Variants in ADAM23 observed in about 807,000 individuals in gnomAD.
The protein encoded by ADAM23 is disintegrin and metalloproteinase domain-containing protein 23.
Under a neutral mutation model 120.1 loss-of-function variants are expected in ADAM23, and 33 were observed. The ratio of observed to expected loss-of-function variants is 0.27; its 90% CI spans 0.21 to 0.37. ADAM23 has a LOEUF of 0.37. ADAM23 is among the 10% of genes least tolerant of loss of function. The probability of loss-of-function intolerance (pLI) is 1.00; values close to 1 mark genes in which losing one functional copy is unlikely to be tolerated. For synonymous variants in ADAM23, 367 were observed against 375.2 expected (o/e 0.98, Z 0.25); for missense variants, 862 against 1,058.2 (o/e 0.81, Z 2.57).
At chr2:206,536,282 C>T (rs549266414) in intron 4 of ADAM23, among the ~76,000 whole-genome samples, 43 of 152,268 alleles carry the variant, frequency 2.8e-4, no homozygotes, top group African/African-American at 1.0e-3. Flanking sequence ...ATTCTGTGAC[C>T]TCACTTATGT....
chr2:206,497,146 AT>A (rs954439213), intron 3 of ADAM23, among the ~76,000 whole-genome samples: 94 of 152,342 alleles, frequency 6.2e-4, no homozygotes, highest in African/African-American at 2.1e-3. Flanking sequence ...TCCCTAACTC[AT>A]TTTATGAGGC....
intron 2 of ADAM23, among the ~76,000 whole-genome samples, chr2:206,456,066 C>T (rs563639415): frequency 4.6e-4 from 70 of 152,194 alleles, no homozygotes; most frequent in Non-Finnish European, 9.1e-4. Context: ...TGTATTAGTT[C>T]GTTCTCACAC....
chr2:206,566,716 C>CT (rs1277843073), intron 14 of ADAM23, among the ~76,000 whole-genome samples: 1 of 152,166 alleles, frequency 6.6e-6, no homozygotes, highest in Non-Finnish European at 1.5e-5. Context: ...TAACACACCT[C>CT]TTTAAGGTTT....
At chr2:206,511,628 C>A (rs961391016) in intron 3 of ADAM23, among the ~76,000 whole-genome samples, 1 of 152,282 alleles carries the variant, frequency 6.6e-6, no homozygotes, top group Non-Finnish European at 1.5e-5. Context: ...GGCAAGCAGG[C>A]GTTTGAACTT....
intron 19 of ADAM23, among the ~76,000 whole-genome samples, chr2:206,587,716 G>C (rs532808413): frequency 6.6e-6 from 1 of 152,000 alleles, no homozygotes; most frequent in African/African-American, 2.4e-5. Context: ...TTCCCCTGAA[G>C]CCATATTATA....
intron 4 of ADAM23, among the ~76,000 whole-genome samples, chr2:206,541,361 A>G (rs1697287404): frequency 6.6e-6 from 1 of 152,198 alleles, no homozygotes; most frequent in Non-Finnish European, 1.5e-5. Flanking sequence ...ATGAATTAGA[A>G]TGTACTGGGG....
At chr2:206,451,803 C>G (rs1223903713) in intron 2 of ADAM23, among the ~76,000 whole-genome samples, 1 of 152,094 alleles carries the variant, frequency 6.6e-6, no homozygotes, top group East Asian at 1.9e-4. Flanking sequence ...ACAAGGGGGT[C>G]TGGATTTATT....
At position 206,495,135 on chromosome 2, in the gene ADAM23, G is replaced by T. The variant is rs376587705; in HGVS notation, c.509+13827G>T. ...CAAGGCAGGCCAACATTCAAATTCA[G>T]GAAAAATAGAGAACGCCACAAAGAT... On this transcript the variant is annotated intron_variant, in intron 3 of 25. Transcript: ENST00000264377. 1.5e-3 allele frequency among the ~76,000 whole-genome samples: 226 copies of T among 152,156 alleles called. 1 individual carries two copies. The Middle Eastern group carries it at 0.031, about 21-fold the overall frequency.
chr2:206,584,394 C>T (rs553016333), intron 18 of ADAM23, among the ~76,000 whole-genome samples: 22 of 152,250 alleles, frequency 1.4e-4, no homozygotes, highest in African/African-American at 4.6e-4. Flanking sequence ...GGAGAGGGAC[C>T]GGTAGTGGGC....
At chr2:206,494,952 A>C (rs1191842714) in intron 3 of ADAM23, among the ~76,000 whole-genome samples, 1 of 152,234 alleles carries the variant, frequency 6.6e-6, no homozygotes, top group Non-Finnish European at 1.5e-5. Flanking sequence ...TAGATAAAAA[A>C]AGAATAAAAA....
rs748253870 is a variant in ADAM23 at position 206,594,847 on chromosome 2, C to T, written c.2189C>T (p.Ala730Val). The T allele has an allele frequency of 6.2e-7, 1 of 1,614,090 alleles. No homozygotes were observed. Among genetic ancestry groups the T allele is most frequent in the Non-Finnish European group, 8.5e-7 (1 of 1,180,008 alleles). The change falls in exon 23 of 26, where the codon GCC (alanine) becomes GTC (valine). Residue 730 changes from alanine (A) to valine (V), a missense_variant. By Grantham distance (64) the Ala-to-Val change is moderately conservative. Around this residue, in one of 4 missense-constraint regions of ADAM23, gnomAD observed 617 missense variants for 813.5 expected, o/e 0.76. Coordinates refer to ENST00000264377, the MANE Select transcript of ADAM23 (RefSeq NM_003812.4). ...CLDRKCLQIQALNMSSCPLDS... is the reference protein window; with the variant it reads ...CLDRKCLQIQVLNMSSCPLDS... ...GATCGGAAGTGCCTACAAATTCAAG[C>T]CCTAAATATGAGCAGCTGTCCACTC...
intron 2 of ADAM23, among the ~76,000 whole-genome samples, chr2:206,467,722 G>A (rs1695570087): frequency 6.6e-6 from 1 of 152,204 alleles, no homozygotes; most frequent in South Asian, 2.1e-4. Flanking sequence ...GACTCTGTGT[G>A]GGGGCTCAAC....
At chr2:206,587,989 G>GA in intron 19 of ADAM23, 102 bp from the exon 20 acceptor site, 1 of 1,227,980 alleles carries the variant, frequency 8.1e-7, no homozygotes, top group Non-Finnish European at 1.2e-6. Flanking sequence ...GGTATGAAAT[G>GA]AAAAAACTTT....
At chr2:206,482,885 T>C (rs1334629945) in intron 3 of ADAM23, among the ~76,000 whole-genome samples, 1 of 152,112 alleles carries the variant, frequency 6.6e-6, no homozygotes, top group African/African-American at 2.4e-5. Context: ...GCATGTGAGA[T>C]AGTATATCTG....
At chr2:206,564,712 A>G (rs887086421) in intron 13 of ADAM23, among the ~76,000 whole-genome samples, 3 of 152,248 alleles carry the variant, frequency 2.0e-5, no homozygotes, top group African/African-American at 4.8e-5. Context: ...TTTGTAGACC[A>G]GGGTACTTTT....
At chr2:206,597,113 G>A (rs566712836) in intron 24 of ADAM23, among the ~76,000 whole-genome samples, 15 of 146,944 alleles carry the variant, frequency 1.0e-4, no homozygotes, top group East Asian at 2.0e-4. Flanking sequence ...TGATCCTCCC[G>A]CCTTGGCCTC....
At chr2:206,477,897 A>AAAAAAAAAAAAAAATATATAT (rs374524658) in intron 2 of ADAM23, among the ~76,000 whole-genome samples, 1 of 93,604 alleles carries the variant, frequency 1.1e-5, no homozygotes, top group African/African-American at 5.2e-5. Context: ...AAAAAAAAAA[A>AAAAAAAAAAAAAAATATATAT]ATATATATAT....
chr2:206,539,136 C>A (rs1164997593), intron 4 of ADAM23, among the ~76,000 whole-genome samples: 2 of 152,176 alleles, frequency 1.3e-5, no homozygotes, highest in East Asian at 3.8e-4. Flanking sequence ...ATTATTTGAG[C>A]ATGATATGGC....
intron 13 of ADAM23, among the ~76,000 whole-genome samples, chr2:206,562,698 C>T (rs182000722): frequency 3.2e-4 from 49 of 152,298 alleles, no homozygotes; most frequent in Middle Eastern, 3.4e-3. Context: ...AAAGAGAGCT[C>T]ATCTTTAAAC....
Sources: allele counts gnomAD v4.1 joint callset (sites outside exome capture counted in the v4.1 genomes callset), GRCh38; gene constraint gnomAD v4.1.1; regional missense constraint gnomAD v4.1.1; transcripts MANE v1.5; gene names NCBI Gene and HGNC (gene_info 2026-07-23, HGNC 2026-07-21).